The following KIAA1328 variants were observed in gnomAD, a reference collection of about 807,000 sequenced individuals.
The protein encoded by KIAA1328 is KIAA1328.
In KIAA1328, 52 loss-of-function variants were observed where a neutral mutation model predicts 68.1. That is an observed-to-expected ratio of 0.76 (90% confidence interval 0.61 to 0.96). The LOEUF (loss-of-function observed/expected upper bound fraction) is 0.96. Among genes scored for constraint, KIAA1328 ranks in the 40% least tolerant of loss-of-function variants. The pLI, the probability that KIAA1328 is intolerant of heterozygous loss-of-function variation, is 0.00. For missense variants in KIAA1328, 641 were observed against 677.6 expected, an observed-to-expected ratio of 0.95 and a Z score of 0.60; for synonymous variants, 232 against 239.4, an observed-to-expected ratio of 0.97 and a Z score of 0.28.
chr18:36,872,670 A>G lies in KIAA1328; in HGVS notation c.333-12887A>G, dbSNP rs147886507. Among the ~76,000 whole-genome samples the G allele has an allele frequency of 1.3e-3, 205 of 152,350 alleles. 1 individual carries two copies. The highest frequency in any genetic ancestry group is 4.7e-3 in the African/African-American group (196 of 41,580). ...TACTTCAGTCTCTACTTCCTACCCA[A>G]GATGTCCAGATAGCAATAAAAATAT... On this transcript the variant is annotated intron_variant, in intron 4 of 9. Transcript: ENST00000280020.
At chr18:36,901,332 CAA>C (rs1013785310) in intron 5 of KIAA1328, among the ~76,000 whole-genome samples, 18 of 152,058 alleles carry the variant, frequency 1.2e-4, no homozygotes, top group Admixed American at 5.3e-4. Flanking sequence ...GGAGGCATGT[CAA>C]ATGTGACAGC....
intron 9 of KIAA1328, among the ~76,000 whole-genome samples, chr18:37,178,380 G>A (rs2847592): frequency 6.6e-6 from 1 of 151,962 alleles, no homozygotes; most frequent in East Asian, 1.9e-4. Flanking sequence ...GACATAATAT[G>A]CTTCAGGTTC....
chr18:36,845,427 A>G (rs961092994), intron 4 of KIAA1328, among the ~76,000 whole-genome samples: 4 of 151,620 alleles, frequency 2.6e-5, no homozygotes, highest in African/African-American at 7.3e-5. Context: ...TTGAAAAGCT[A>G]TTGCTATTTG....
chr18:37,055,524 T>G (rs952722345), intron 6 of KIAA1328, among the ~76,000 whole-genome samples: 2 of 152,184 alleles, frequency 1.3e-5, no homozygotes, highest in Non-Finnish European at 2.9e-5. Context: ...AAAATGAACA[T>G]TTATTTGGGA....
chr18:37,135,550 T>G (rs1271485655), intron 7 of KIAA1328, among the ~76,000 whole-genome samples: 6 of 152,182 alleles, frequency 3.9e-5, no homozygotes, highest in Admixed American at 3.3e-4. Flanking sequence ...TTTTGCTTGT[T>G]TAACTGTTTT....
chr18:37,125,629 A>G (rs1472029743), intron 7 of KIAA1328, among the ~76,000 whole-genome samples: 3 of 152,198 alleles, frequency 2.0e-5, no homozygotes, highest in African/African-American at 7.2e-5. Flanking sequence ...AAAGAGGGAA[A>G]TGACAACAGA....
chr18:36,907,607 G>A (rs550781492), intron 5 of KIAA1328, among the ~76,000 whole-genome samples: 102 of 152,204 alleles, frequency 6.7e-4, no homozygotes, highest in African/African-American at 2.4e-3. Context: ...TTTCTGGGCT[G>A]AAGCCCACTT....
At chr18:37,053,983 A>G (rs564266705) in intron 6 of KIAA1328, among the ~76,000 whole-genome samples, 1 of 152,270 alleles carries the variant, frequency 6.6e-6, no homozygotes, top group Non-Finnish European at 1.5e-5. Flanking sequence ...AAAACATTAA[A>G]AAGTAGGCAA....
At position 37,176,706 on chromosome 18, in the gene KIAA1328, C is replaced by T. The variant is rs577523878; in HGVS notation, c.1523+3625C>T. On this transcript the variant is annotated intron_variant, in intron 9 of 9. Transcript: ENST00000280020. ...ACACCTCAGGGTAGGTGAGCCTTGGCTCTAAAAGAAACTTAAATAAATACC... is the reference window on the plus strand; with the variant it reads ...ACACCTCAGGGTAGGTGAGCCTTGGTTCTAAAAGAAACTTAAATAAATACC... Among the ~76,000 whole-genome samples, 155 of 152,298 alleles carry T rather than the reference C, an allele frequency of 1.0e-3. 2 individuals are homozygous for T. The highest frequency in any genetic ancestry group is 3.7e-3 in the African/African-American group (152 of 41,572).
chr18:36,896,428 C>A (rs2048868316), intron 5 of KIAA1328, among the ~76,000 whole-genome samples: 1 of 152,070 alleles, frequency 6.6e-6, no homozygotes, highest in Non-Finnish European at 1.5e-5. Context: ...AGACGTGGAA[C>A]CTTAACATCC....
chr18:36,936,931 G>A (rs1430228865), intron 5 of KIAA1328, among the ~76,000 whole-genome samples: 2 of 152,154 alleles, frequency 1.3e-5, no homozygotes, highest in East Asian at 1.9e-4. Context: ...AAAGCTGGCG[G>A]CATGATGCTA....
At chr18:37,183,171 T>G (rs969595290) in intron 9 of KIAA1328, among the ~76,000 whole-genome samples, 1 of 152,118 alleles carries the variant, frequency 6.6e-6, no homozygotes, top group African/African-American at 2.4e-5. Flanking sequence ...TTGTGTGTGT[T>G]TTTTTTGGGA....
At chr18:36,941,019 AATG>A (rs1372677773) in intron 5 of KIAA1328, among the ~76,000 whole-genome samples, 1 of 152,082 alleles carries the variant, frequency 6.6e-6, no homozygotes, top group Non-Finnish European at 1.5e-5. Context: ...TCAGATTTTG[AATG>A]ATAAGTGAAC....
intron 6 of KIAA1328, among the ~76,000 whole-genome samples, chr18:36,961,287 G>A (rs1331410863): frequency 6.6e-6 from 1 of 152,104 alleles, no homozygotes; most frequent in Non-Finnish European, 1.5e-5. Flanking sequence ...AAACAAACGA[G>A]CAAAGCCTCC....
chr18:37,166,350 G>A (rs912666898), intron 8 of KIAA1328, among the ~76,000 whole-genome samples: 2 of 152,258 alleles, frequency 1.3e-5, no homozygotes, highest in Admixed American at 6.5e-5. Flanking sequence ...CCCGCAGCCC[G>A]TGGGCCATAT....
At chr18:36,858,403 G>C (rs1017644110) in intron 4 of KIAA1328, among the ~76,000 whole-genome samples, 10 of 152,038 alleles carry the variant, frequency 6.6e-5, no homozygotes, top group African/African-American at 2.4e-4. Context: ...TTACAGATGA[G>C]TAACAGATAG....
Position 37,207,630 on chromosome 18 carries a change from C to T in KIAA1328, c.1524-14387C>T, listed in dbSNP as rs1234998981. ...CTCAGAGGTATGAGGGTCCAGAGTC[C>T]CTAAAGGGAGGAGTCCCTAAAAATG... On this transcript the variant is annotated intron_variant, in intron 9 of 9. Coordinates refer to ENST00000280020, the MANE Select transcript of KIAA1328 (RefSeq NM_020776.3). 3.3e-5 allele frequency among the ~76,000 whole-genome samples: 5 copies of T among 152,060 alleles called. No homozygotes were observed. In the South Asian group the frequency reaches 1.0e-3, roughly 32 times the overall value.
intron 4 of KIAA1328, among the ~76,000 whole-genome samples, chr18:36,878,702 T>G (rs1489082640): frequency 6.6e-6 from 1 of 151,914 alleles, no homozygotes; most frequent in Non-Finnish European, 1.5e-5. Context: ...CTTGGAGGCT[T>G]TGTTCGTTTC....
intron 4 of KIAA1328, among the ~76,000 whole-genome samples, chr18:36,880,726 A>C (rs556952523): frequency 6.6e-6 from 1 of 151,900 alleles, no homozygotes; most frequent in Non-Finnish European, 1.5e-5. Context: ...TTAAAAAAAG[A>C]TTCTTTTTAT....
Sources: allele counts gnomAD v4.1 joint callset (sites outside exome capture counted in the v4.1 genomes callset), GRCh38; gene constraint gnomAD v4.1.1; transcripts MANE v1.5; gene names NCBI Gene and HGNC (gene_info 2026-07-23, HGNC 2026-07-21).